Variants in RNF217 observed in about 807,000 individuals in gnomAD.
The protein encoded by RNF217 is E3 ubiquitin-protein ligase RNF217.
A neutral mutation model predicts 57.8 loss-of-function variants in RNF217; 31 were observed. That is an observed-to-expected ratio of 0.54 (90% confidence interval 0.40 to 0.72). The LOEUF is 0.72. RNF217 is among the 30% of genes least tolerant of loss of function. RNF217 has a pLI of 0.00. For missense variants in RNF217, 696 were observed against 708.3 expected, an observed-to-expected ratio of 0.98 and a Z score of 0.20; for synonymous variants, 313 against 294.0, an observed-to-expected ratio of 1.06 and a Z score of -0.66.
intron 1 of RNF217, among the ~76,000 whole-genome samples, chr6:125,022,624 G>A (rs1785888190): frequency 6.6e-6 from 1 of 152,176 alleles, no homozygotes; most frequent in Non-Finnish European, 1.5e-5. Flanking sequence ...AGTTAAGACT[G>A]AACATTTTTA....
At chr6:125,028,747 A>G (rs1332835024) in intron 1 of RNF217, among the ~76,000 whole-genome samples, 2 of 152,108 alleles carry the variant, frequency 1.3e-5, no homozygotes, top group Non-Finnish European at 2.9e-5. Flanking sequence ...AGAATGGTGT[A>G]AGAGCTTTTT....
At chr6:125,013,849 G>A (rs1475127781) in intron 1 of RNF217, among the ~76,000 whole-genome samples, 1 of 152,058 alleles carries the variant, frequency 6.6e-6, no homozygotes, top group Non-Finnish European at 1.5e-5. Context: ...ATGTTTCTAA[G>A]GCAAAGGACA....
At position 125,085,501 on chromosome 6, in the gene RNF217, ATGTCAG is replaced by A. The variant is rs1401759122; in HGVS notation, c.*2567_*2572del. ...GAAGAAAATAAAAAGTATTATTTAT[ATGTCAG>A]TGCCAACTTTGAAGGTAAAACAGTA... On this transcript the variant is annotated 3_prime_UTR_variant, in exon 6 of 6. Coordinates refer to ENST00000521654, the MANE Select transcript of RNF217 (RefSeq NM_001286398.3). 5.3e-5 allele frequency: 8 copies of A among 151,958 alleles called. No homozygotes were observed. Among genetic ancestry groups the A allele is most frequent in the Non-Finnish European group, 1.2e-4 (8 of 67,858 alleles). 9.4% of individuals were successfully genotyped at this position (151,958 alleles called of 1,614,324 possible). A position where few individuals can be genotyped will look rare whatever the true frequency, so the allele number is the denominator to read the frequency against.
chr6:125,028,630 T>C (rs1786214037), intron 1 of RNF217, among the ~76,000 whole-genome samples: 1 of 152,074 alleles, frequency 6.6e-6, no homozygotes, highest in Non-Finnish European at 1.5e-5. Flanking sequence ...GGAAAGAGCA[T>C]AAAATAAAAC....
chr6:125,025,530 A>G (rs1001555078), intron 1 of RNF217, among the ~76,000 whole-genome samples: 1 of 143,796 alleles, frequency 7.0e-6, no homozygotes, highest in Non-Finnish European at 1.5e-5. Context: ...GGGAGGGAGG[A>G]AGGGATATTT....
intron 1 of RNF217, among the ~76,000 whole-genome samples, chr6:124,991,649 A>G (rs536675007): frequency 1.3e-5 from 2 of 152,334 alleles, no homozygotes. Context: ...ATCAACAGAC[A>G]TTTGTTTTAA....
intron 1 of RNF217, chr6:125,009,265 T>G (rs1261633777): frequency 2.9e-5 from 46 of 1,609,700 alleles, no homozygotes; most frequent in Non-Finnish European, 3.9e-5. Context: ...CATAAACCAG[T>G]TCAAGAAAGG....
chr6:124,972,102 G>A (rs1783786273), intron 1 of RNF217, among the ~76,000 whole-genome samples: 1 of 152,054 alleles, frequency 6.6e-6, no homozygotes, highest in South Asian at 2.1e-4. Context: ...TCCTCCCCTT[G>A]TTTGCCACAT....
chr6:124,966,836 A>G (rs1783561313), intron 1 of RNF217, among the ~76,000 whole-genome samples: 1 of 152,254 alleles, frequency 6.6e-6, no homozygotes, highest in South Asian at 2.1e-4. Context: ...GGTGTCATCA[A>G]TATTTCAATA....
intron 1 of RNF217, among the ~76,000 whole-genome samples, chr6:124,981,828 C>A (rs1244018255): frequency 6.7e-6 from 1 of 150,060 alleles, no homozygotes; most frequent in East Asian, 2.0e-4. Flanking sequence ...ACCATCCTGG[C>A]GAACGTGGTG....
chr6:125,067,297 C>G (rs934705937), intron 3 of RNF217, among the ~76,000 whole-genome samples: 1 of 152,118 alleles, frequency 6.6e-6, no homozygotes, highest in African/African-American at 2.4e-5. Flanking sequence ...GGGTTTTATC[C>G]TCCAGACTAT....
At chr6:125,081,595 A>T in intron 5 of RNF217, 88 bp downstream of exon 5, 1 of 1,054,464 alleles carries the variant, frequency 9.5e-7, no homozygotes, top group Non-Finnish European at 1.4e-6. Context: ...TGAATCAGTT[A>T]TTAAGTGGAC....
chr6:125,083,106 A>G lies in RNF217; in HGVS notation c.*169A>G, dbSNP rs981211470. On this transcript the variant is annotated 3_prime_UTR_variant, in exon 6 of 6. Coordinates refer to ENST00000521654, the MANE Select transcript of RNF217 (RefSeq NM_001286398.3). ...CCTCTAGCTATGGTGCACTCCCAAC[A>G]TGGTATCCTGTCCTTTCCCTAAACA... 5 of 515,334 alleles carry G rather than the reference A, an allele frequency of 9.7e-6. No individual in the cohort carries two copies. Among genetic ancestry groups the G allele is most frequent in the Non-Finnish European group, 1.7e-5 (5 of 295,874 alleles). The allele number at this position is 515,334 out of a possible 1,614,324, so 31.9% of individuals were successfully genotyped here. A position where few individuals can be genotyped will look rare whatever the true frequency, so the allele number is the denominator to read the frequency against.
chr6:124,997,478 A>G (rs1440782045), intron 1 of RNF217, among the ~76,000 whole-genome samples: 1 of 152,162 alleles, frequency 6.6e-6, no homozygotes, highest in Admixed American at 6.5e-5. Flanking sequence ...ATATATTCCC[A>G]TCTCAAATAC....
At chr6:125,076,934 A>G (rs760464413) in intron 4 of RNF217, 76 bp downstream of exon 4, 1 of 1,277,730 alleles carries the variant, frequency 7.8e-7, no homozygotes, top group Admixed American at 1.7e-5. Flanking sequence ...ATGTGCAGCC[A>G]TGGTAATTCA....
intron 1 of RNF217, among the ~76,000 whole-genome samples, chr6:124,978,425 G>A (rs1784044690): frequency 6.6e-6 from 1 of 151,172 alleles, no homozygotes; most frequent in African/African-American, 2.4e-5. Flanking sequence ...CACCTTGGGT[G>A]CCAGCAACTA....
chr6:125,068,256 C>A (rs2114617785), intron 3 of RNF217, among the ~76,000 whole-genome samples: 1 of 152,182 alleles, frequency 6.6e-6, no homozygotes, highest in East Asian at 1.9e-4. Context: ...AGGAATGCTG[C>A]AACAGGGCTA....
chr6:124,962,594 C>A lies in RNF217; in HGVS notation c.50C>A (p.Ser17Ter). 1 of 1,294,042 alleles carries A rather than the reference C, an allele frequency of 7.7e-7. No individual in the cohort carries two copies. Among genetic ancestry groups the A allele is most frequent in the Non-Finnish European group, 9.7e-7 (1 of 1,027,298 alleles). The allele number at this position is 1,294,042 out of a possible 1,614,324, so 80.2% of individuals were successfully genotyped here. The change falls in exon 1 of 6, where the codon TCG (serine) becomes TAG (stop). Residue 17 changes from serine (S) to a stop codon, truncating the protein, a stop_gained. Transcript: ENST00000521654. LOFTEE classifies it high-confidence loss of function. This position sits in a 1 kb window ranked among gnomAD's most constrained non-coding sequence, Gnocchi z 4.6. The part of the protein sequence containing the change: ...TVSGGGGPQE[S>*]QTLASGTAGH... ...AGCGGCGGCGGCGGGCCCCAGGAGT[C>A]GCAGACCCTGGCCAGTGGCACTGCG...
chr6:125,051,191 C>T (rs540080283), intron 2 of RNF217, among the ~76,000 whole-genome samples: 40 of 151,834 alleles, frequency 2.6e-4, no homozygotes, highest in African/African-American at 9.7e-4. Flanking sequence ...CTACACTTCA[C>T]CTAAAAAAAC....
Sources: allele counts gnomAD v4.1 joint callset (sites outside exome capture counted in the v4.1 genomes callset), GRCh38; gene constraint gnomAD v4.1.1; non-coding constraint Gnocchi (gnomAD v3.1); transcripts MANE v1.5; gene names NCBI Gene and HGNC (gene_info 2026-07-23, HGNC 2026-07-21).